The following ANKRD13A variants were observed in gnomAD, a reference collection of about 807,000 sequenced individuals.
ANKRD13A encodes the protein ankyrin repeat domain 13A, also known as ankyrin repeat domain-containing protein 13A.
Under a neutral mutation model 81.3 loss-of-function variants are expected in ANKRD13A, and 48 were observed. The ratio of observed to expected loss-of-function variants is 0.59; its 90% CI spans 0.47 to 0.75. ANKRD13A has a LOEUF of 0.75. ANKRD13A is among the 30% of genes least tolerant of loss of function. The pLI, the probability that ANKRD13A is intolerant of heterozygous loss-of-function variation, is 0.00. For missense variants in ANKRD13A, 612 were observed against 734.0 expected (o/e 0.83, Z 1.92); for synonymous variants, 230 against 270.1 (o/e 0.85, Z 1.45).
At chr12:110,002,007 T>C (rs1890006805) in intron 1 of ANKRD13A, among the ~76,000 whole-genome samples, 1 of 151,750 alleles carries the variant, frequency 6.6e-6, no homozygotes, top group African/African-American at 2.4e-5. Context: ...CTTGAACTCT[T>C]GTACTCAAGT....
chr12:110,029,673 T>C, intron 11 of ANKRD13A, 38 bp downstream of exon 11: 1 of 1,599,410 alleles, frequency 6.3e-7, no homozygotes, highest in Middle Eastern at 1.7e-4. Flanking sequence ...TTGGAGGTTC[T>C]GCCCATGTTT....
chr12:110,034,315 G>A (rs1437129049), intron 13 of ANKRD13A, among the ~76,000 whole-genome samples: 3 of 152,012 alleles, frequency 2.0e-5, no homozygotes, highest in African/African-American at 4.8e-5. Context: ...CAGTAGTCTC[G>A]GATGAAGGTA....
rs573626214 is a variant in ANKRD13A, at chr12:110,028,978, C to T, written c.1076+336C>T. Reference sequence around the variant, plus strand: ...GTCTCGAACTCCTGACCTTGTGATCCGCCCGCCTGGGCCTCCCAAACTGCT... The same window carrying T: ...GTCTCGAACTCCTGACCTTGTGATCTGCCCGCCTGGGCCTCCCAAACTGCT... On this transcript the variant is annotated intron_variant, in intron 10 of 14. Coordinates refer to ENST00000261739, the MANE Select transcript of ANKRD13A (RefSeq NM_033121.2). The T allele has an allele frequency of 4.5e-5, 9 of 198,946 alleles. No homozygotes were observed. The East Asian group carries it at 7.1e-4, about 16-fold the overall frequency. 12.3% of individuals were successfully genotyped at this position (198,946 alleles called of 1,614,324 possible).
chr12:110,000,002 T>G (rs1889866285), intron 1 of ANKRD13A, among the ~76,000 whole-genome samples: 1 of 152,150 alleles, frequency 6.6e-6, no homozygotes, highest in Non-Finnish European at 1.5e-5. Context: ...CCAATAACGC[T>G]GGTGGGTAGG....
chr12:109,999,684 T>G lies in ANKRD13A; in HGVS notation c.-5T>G, dbSNP rs1566041135. On this transcript the variant is annotated 5_prime_UTR_variant, in exon 1 of 15. Transcript: ENST00000261739. This position sits in a 1 kb window ranked among gnomAD's most constrained non-coding sequence, Gnocchi z 4.3. ...CGACGAGGACCAGGTTACGGCCTCC[T>G]CGCCATGTCCTCGGCCTGCGACGCG... The G allele has an allele frequency of 6.5e-7, 1 of 1,531,760 alleles. No homozygotes were observed. Among genetic ancestry groups the G allele is most frequent in the Non-Finnish European group, 8.8e-7 (1 of 1,138,318 alleles). 94.9% of individuals were successfully genotyped at this position (1,531,760 alleles called of 1,614,324 possible).
intron 1 of ANKRD13A, among the ~76,000 whole-genome samples, chr12:110,001,715 C>T (rs373808938): frequency 7.0e-6 from 1 of 142,688 alleles, no homozygotes; most frequent in South Asian, 2.2e-4. Context: ...CCACTGTTGC[C>T]GGCCTTTTTT....
rs759845338 is a variant in ANKRD13A, at chr12:110,012,023, C to G, written c.115C>G (p.Pro39Ala). 1.1e-5 allele frequency: 17 copies of G among 1,608,482 alleles called. No homozygotes were observed. The South Asian group carries it at 1.8e-4, about 17-fold the overall frequency. Residue 39 changes from proline (P) to alanine (A), a missense_variant, in exon 2 of 15, where the codon CCA becomes GCA. Physicochemically the swap from Pro to Ala is conservative, Grantham distance 27 (BLOSUM62 -1). Coordinates refer to ENST00000261739, the MANE Select transcript of ANKRD13A (RefSeq NM_033121.2). Reference protein sequence around the residue: ...LQGQNVEAVDPRGRTLLHLAV... With the variant: ...LQGQNVEAVDARGRTLLHLAV... ...TTCACAGAATGTGGAGGCTGTGGAC[C>G]CACGAGGTCGAACATTATTGCATCT...
intron 5 of ANKRD13A, 76 bp from the exon 6 acceptor site, chr12:110,019,063 T>C: frequency 6.9e-7 from 1 of 1,447,556 alleles, no homozygotes; most frequent in Non-Finnish European, 9.3e-7. Context: ...AGATGATACA[T>C]TTTAACATAC....
chr12:110,023,307 CA>C (rs1020592834), intron 6 of ANKRD13A, among the ~76,000 whole-genome samples: 1 of 152,072 alleles, frequency 6.6e-6, no homozygotes, highest in Non-Finnish European at 1.5e-5. Context: ...CATTTTTTTT[CA>C]GGAGTATGTT....
At position 110,036,187 on chromosome 12, in the gene ANKRD13A, C is replaced by A; in HGVS notation, c.1510-74C>A. The stretch of plus-strand genomic sequence containing the variant: ...AAGACTTTTAATTTGGTTCTTGCTG[C>A]CATCGTTTCCTTACCAGAATGGCAC... On this transcript the variant is annotated intron_variant, in intron 13 of 14. Transcript: ENST00000261739. The surrounding 1 kb of genome is among the most constrained non-coding windows in gnomAD (Gnocchi z 4.6). The A allele has an allele frequency of 7.3e-7, 1 of 1,363,786 alleles. No individual in the cohort carries two copies. The highest frequency in any genetic ancestry group is 1.0e-6 in the Non-Finnish European group (1 of 953,412). The allele number at this position is 1,363,786 out of a possible 1,614,324, so 84.5% of individuals were successfully genotyped here. A position where few individuals can be genotyped will look rare whatever the true frequency, so the allele number is the denominator to read the frequency against.
chr12:110,011,955 A>G (rs771706653), intron 1 of ANKRD13A, 50 bp from the exon 2 acceptor site: 2 of 1,545,524 alleles, frequency 1.3e-6, no homozygotes, highest in East Asian at 4.6e-5. Flanking sequence ...ACATTTCCCT[A>G]TTTTAATGTA....
In ANKRD13A at chr12:110,037,582, A is replaced by C; in HGVS notation, c.*28A>C. 6.3e-7 allele frequency: 1 copy of C among 1,597,162 alleles called. No homozygotes were observed. Among genetic ancestry groups the C allele is most frequent in the Non-Finnish European group, 8.5e-7 (1 of 1,170,780 alleles). ...CTTTCAGCCTGTGAGCCTCTGCACA[A>C]AGCAGAGGCTGTGGGCTGTCACAGA... On this transcript the variant is annotated 3_prime_UTR_variant, in exon 15 of 15. Coordinates refer to ENST00000261739, the MANE Select transcript of ANKRD13A (RefSeq NM_033121.2).
rs573558185 is a variant in ANKRD13A, at chr12:110,034,036, G to T, written c.1509+79G>T. ...GTTAGCCTCAGTGTTTGGCTAATCT[G>T]AAAGATTTATTCTAAATATCAAGTT... On this transcript the variant is annotated intron_variant, in intron 13 of 14. Coordinates refer to ENST00000261739, the MANE Select transcript of ANKRD13A (RefSeq NM_033121.2). 6 of 1,340,068 alleles carry T rather than the reference G, an allele frequency of 4.5e-6. No homozygotes were observed. The East Asian group carries it at 1.5e-4, about 34-fold the overall frequency. The allele number at this position is 1,340,068 out of a possible 1,614,324, so 83.0% of individuals were successfully genotyped here.
chr12:110,028,605 A>G lies in ANKRD13A; in HGVS notation c.1039A>G (p.Ile347Val), dbSNP rs1891484302. 2 of 1,614,240 alleles carry G rather than the reference A, an allele frequency of 1.2e-6. No individual in the cohort carries two copies. The highest frequency in any genetic ancestry group is 1.3e-5 in the African/African-American group (1 of 75,074). Residue 347 changes from isoleucine (I) to valine (V), a missense_variant, in exon 10 of 15, where the codon ATT becomes GTT. Ile to Val is a conservative substitution (Grantham distance 29, BLOSUM62 3). Transcript: ENST00000261739. Reference protein sequence around the residue: ...NEEFDLKDRDIGRPKELTIRT... With the variant: ...NEEFDLKDRDVGRPKELTIRT... ...AGAGTTTGATCTGAAAGACAGGGAC[A>G]TTGGAAGGCCGAAAGAGCTGACGAT...
chr12:110,030,409 A>G (rs1384498360), intron 11 of ANKRD13A, among the ~76,000 whole-genome samples: 1 of 151,988 alleles, frequency 6.6e-6, no homozygotes, highest in Non-Finnish European at 1.5e-5. Context: ...TCAGGTGATC[A>G]GCTCGCCTTG....
chr12:110,019,237 TTGA>T lies in ANKRD13A; in HGVS notation c.647_649del (p.Met216del). The T allele has an allele frequency of 6.2e-7, 1 of 1,614,162 alleles. No individual in the cohort carries two copies. The highest frequency in any genetic ancestry group is 8.5e-7 in the Non-Finnish European group (1 of 1,179,990). ...AGAAATGGAGCGCCTCACTCTGGAC[TTGA>T]TGAAGCCAAAAAGCAGGGAAGTTGA... On this transcript the variant is annotated inframe_deletion, in exon 6 of 15. Transcript: ENST00000261739.
At chr12:110,029,767 G>GAACTCTGACCTCCTCT in intron 11 of ANKRD13A, 132 bp downstream of exon 11, 1 of 989,992 alleles carries the variant, frequency 1.0e-6, no homozygotes, top group Non-Finnish European at 1.5e-6. Flanking sequence ...TAACAGAGGA[G>GAACTCTGACCTCCTCT]GTCAGAGTTC....
At position 110,030,759 on chromosome 12, in the gene ANKRD13A, G is replaced by A. The variant is rs768631663; in HGVS notation, c.1348+1G>A. ...GTGGAAGGGACCCAGGCTGATTCAG[G>A]TAAAAAAATAAATAAATACAAAGTT... is the stretch of plus-strand genomic sequence containing the variant. On this transcript the variant is annotated splice_donor_variant, in intron 12 of 14. Transcript: ENST00000261739. LOFTEE classifies it high-confidence loss of function. 1 of 1,556,540 alleles carries A rather than the reference G, an allele frequency of 6.4e-7. No individual in the cohort carries two copies.
chr12:110,027,443 A>G (rs973572098), intron 8 of ANKRD13A: 7 of 410,864 alleles, frequency 1.7e-5, no homozygotes, highest in Middle Eastern at 7.0e-4. Context: ...GTTGGAATCC[A>G]GGTCTGGCTC....
Sources: gnomAD v4.1 joint callset for allele counts (sites outside exome capture counted in the v4.1 genomes callset) on GRCh38, gnomAD v4.1.1 for gene constraint, Gnocchi (gnomAD v3.1) non-coding constraint, MANE v1.5 for transcripts, NCBI Gene and HGNC (gene_info 2026-07-23, HGNC 2026-07-21) for gene names.